WWOX: variants seen among roughly 807,000 people sequenced by gnomAD.
WWOX encodes the protein WW domain containing oxidoreductase, also known as WW domain-containing oxidoreductase.
Under a neutral mutation model 46.2 loss-of-function variants are expected in WWOX, and 69 were observed. The observed-to-expected ratio is 1.49, with a 90% CI of 1.23 to 1.82. WWOX has a LOEUF of 1.82. Ranked by LOEUF, WWOX falls within the 40% of genes most tolerant of loss-of-function variation. The probability of loss-of-function intolerance (pLI) is 0.00; values close to 1 mark genes in which losing one functional copy is unlikely to be tolerated. For missense variants in WWOX, 919 were observed against 542.6 expected (o/e 1.69, Z -6.89); for synonymous variants, 359 against 202.6 (o/e 1.77, Z -6.56).
intron 5 of WWOX, among the ~76,000 whole-genome samples, chr16:78,222,175 G>A (rs542190119): frequency 3.9e-5 from 6 of 152,166 alleles, no homozygotes; most frequent in Admixed American, 1.3e-4. Flanking sequence ...GAAGATGGCC[G>A]CTGGAAAAGA....
At chr16:78,764,208 C>A (rs559004651) in intron 8 of WWOX, among the ~76,000 whole-genome samples, 9 of 152,188 alleles carry the variant, frequency 5.9e-5, no homozygotes, top group Non-Finnish European at 8.8e-5. Context: ...TCCGGCTCTA[C>A]CCTGTTTTGA....
chr16:78,868,271 G>C (rs535834512), intron 8 of WWOX, among the ~76,000 whole-genome samples: 2 of 152,156 alleles, frequency 1.3e-5, no homozygotes, highest in East Asian at 3.9e-4. Flanking sequence ...GAAGGAAGCC[G>C]GTCATAAAAG....
At chr16:78,486,124 G>A (rs2084630106) in intron 8 of WWOX, among the ~76,000 whole-genome samples, 2 of 152,120 alleles carry the variant, frequency 1.3e-5, no homozygotes, top group Non-Finnish European at 2.9e-5. Flanking sequence ...GGTAAGTGTT[G>A]AACAACCTGC....
intron 8 of WWOX, among the ~76,000 whole-genome samples, chr16:78,840,383 G>A (rs2052105516): frequency 6.6e-6 from 1 of 152,124 alleles, no homozygotes; most frequent in Non-Finnish European, 1.5e-5. Flanking sequence ...GTACGTCTGT[G>A]GTTGACAAAT....
chr16:78,876,636 G>A (rs1257754569), intron 8 of WWOX, among the ~76,000 whole-genome samples: 1 of 152,158 alleles, frequency 6.6e-6, no homozygotes, highest in South Asian at 2.1e-4. Flanking sequence ...TTTCTCTAGA[G>A]ATCTCTAAAA....
intron 8 of WWOX, among the ~76,000 whole-genome samples, chr16:78,764,724 C>G (rs147380065): frequency 2.6e-5 from 4 of 151,234 alleles, no homozygotes; most frequent in African/African-American, 7.3e-5. Flanking sequence ...TCTAGTACCT[C>G]CTTCCTAAGG....
intron 8 of WWOX, chr16:78,825,928 G>A: frequency 1.3e-6 from 1 of 776,882 alleles, no homozygotes; most frequent in Non-Finnish European, 2.1e-6. Context: ...ATGAGGTAGT[G>A]CCCACCACTC....
chr16:78,660,190 A>G (rs1362728130), intron 8 of WWOX, among the ~76,000 whole-genome samples: 1 of 152,068 alleles, frequency 6.6e-6, no homozygotes, highest in Non-Finnish European at 1.5e-5. Flanking sequence ...TTTTAATTAC[A>G]GGTTATATAA....
At chr16:78,800,247 C>CAA (rs35201990) in intron 8 of WWOX, among the ~76,000 whole-genome samples, 97 of 146,558 alleles carry the variant, frequency 6.6e-4, no homozygotes, top group Non-Finnish European at 9.8e-4. Context: ...TGTTCCATGG[C>CAA]AAAAAAAAAA....
At chr16:78,978,623 C>T (rs1182637637) in intron 8 of WWOX, among the ~76,000 whole-genome samples, 1 of 152,070 alleles carries the variant, frequency 6.6e-6, no homozygotes, top group East Asian at 1.9e-4. Flanking sequence ...CTACTGGGGG[C>T]GCCTCAGGAA....
intron 5 of WWOX, among the ~76,000 whole-genome samples, chr16:78,295,265 A>T (rs796136623): frequency 6.6e-5 from 10 of 152,314 alleles, no homozygotes; most frequent in African/African-American, 2.4e-4. Flanking sequence ...TGTGCTAATC[A>T]AGCTGTCTCA....
intron 8 of WWOX, among the ~76,000 whole-genome samples, chr16:78,819,354 C>G (rs1400720557): frequency 1.3e-5 from 2 of 152,146 alleles, no homozygotes; most frequent in African/African-American, 4.8e-5. Flanking sequence ...GGTGGGTGCA[C>G]CTTTCCATGA....
chr16:78,596,540 G>T (rs556577577), intron 8 of WWOX, among the ~76,000 whole-genome samples: 1 of 152,272 alleles, frequency 6.6e-6, no homozygotes, highest in Non-Finnish European at 1.5e-5. Flanking sequence ...AGGTGTGCAA[G>T]ATGGGGTGTT....
chr16:78,782,728 T>C (rs933815350), intron 8 of WWOX, among the ~76,000 whole-genome samples: 2 of 151,780 alleles, frequency 1.3e-5, no homozygotes, highest in African/African-American at 4.8e-5. Context: ...ATTTGAGGTA[T>C]TTCAGACAAC....
chr16:78,863,366 C>A (rs907030200), intron 8 of WWOX, among the ~76,000 whole-genome samples: 1 of 152,198 alleles, frequency 6.6e-6, no homozygotes, highest in East Asian at 1.9e-4. Flanking sequence ...GCCAAGTGTT[C>A]TTAACTATGG....
intron 5 of WWOX, chr16:78,278,693 C>T (rs981268083): frequency 1.3e-6 from 2 of 1,559,542 alleles, no homozygotes; most frequent in Admixed American, 3.4e-5. Context: ...TGAATAGTCT[C>T]ATCAATTACA....
At chr16:78,609,616 C>G (rs1246849274) in intron 8 of WWOX, among the ~76,000 whole-genome samples, 2 of 151,542 alleles carry the variant, frequency 1.3e-5, no homozygotes, top group Non-Finnish European at 2.9e-5. Context: ...ACCAGGCAGG[C>G]TCTTGGGGGC....
chr16:78,206,841 C>A (rs758426213), intron 5 of WWOX, among the ~76,000 whole-genome samples: 1 of 152,180 alleles, frequency 6.6e-6, no homozygotes, highest in Admixed American at 6.5e-5. Context: ...AAAGAAGTGA[C>A]AAAGTACGGT....
intron 8 of WWOX, among the ~76,000 whole-genome samples, chr16:79,036,738 G>T (rs752171003): frequency 6.6e-6 from 1 of 152,188 alleles, no homozygotes; most frequent in East Asian, 1.9e-4. Flanking sequence ...GTGAGCGAAG[G>T]ATTGGGAAGA....
Sources: allele counts gnomAD v4.1 joint callset (sites outside exome capture counted in the v4.1 genomes callset), GRCh38; gene constraint gnomAD v4.1.1; transcripts MANE v1.5; gene names NCBI Gene and HGNC (gene_info 2026-07-23, HGNC 2026-07-21).